DNMT3B: variants seen among roughly 807,000 people sequenced by gnomAD.
DNMT3B encodes the protein DNA (cytosine-5)-methyltransferase 3B.
A neutral mutation model predicts 120.2 loss-of-function variants in DNMT3B; 37 were observed. That is an observed-to-expected ratio of 0.31 (90% CI 0.24 to 0.40). The LOEUF (loss-of-function observed/expected upper bound fraction) is 0.40, where lower values mean the gene tolerates loss of function less well. Among genes scored for constraint, DNMT3B ranks in the 10% least tolerant of loss-of-function variants. The pLI is 1.00. For synonymous variants in DNMT3B, 412 were observed against 442.8 expected (o/e 0.93, Z 0.87); for missense variants, 878 against 1,137.3 (o/e 0.77, Z 3.28).
intron 1 of DNMT3B, among the ~76,000 whole-genome samples, chr20:32,776,340 G>C (rs370047345): frequency 6.6e-6 from 1 of 152,136 alleles, no homozygotes; most frequent in African/African-American, 2.4e-5. Flanking sequence ...GGATGATGCA[G>C]TTCTAAATCC....
At chr20:32,806,984 T>C (rs1378526405) in intron 22 of DNMT3B, among the ~76,000 whole-genome samples, 1 of 152,250 alleles carries the variant, frequency 6.6e-6, no homozygotes, top group African/African-American at 2.4e-5. Flanking sequence ...TTCTTTGACT[T>C]ACCAACAGTT....
intron 4 of DNMT3B, among the ~76,000 whole-genome samples, chr20:32,785,892 CTTTTTTTTT>C (rs1979215924): frequency 7.8e-6 from 1 of 128,586 alleles, no homozygotes. Flanking sequence ...CTTTTTTTTT[CTTTTTTTTT>C]GAGATGCAGT....
chr20:32,806,080 C>A (rs1981945599), intron 21 of DNMT3B, 129 bp from the exon 22 acceptor site: 2 of 871,372 alleles, frequency 2.3e-6, no homozygotes, highest in East Asian at 2.4e-5. Flanking sequence ...AGGTACTTTT[C>A]TCTCCCAGCC....
At chr20:32,801,020 G>T (rs1981271926) in intron 18 of DNMT3B, 95 bp downstream of exon 18, 4 of 1,470,716 alleles carry the variant, frequency 2.7e-6, no homozygotes, top group Non-Finnish European at 3.8e-6. Flanking sequence ...CTTGCTTCTG[G>T]CCAAGTTACT....
chr20:32,779,698 A>T (rs1601071687), intron 1 of DNMT3B, among the ~76,000 whole-genome samples: 2 of 151,854 alleles, frequency 1.3e-5, no homozygotes, highest in Admixed American at 1.3e-4. Context: ...TCTGAGCCCC[A>T]GCTGGTGAGG....
At chr20:32,773,934 GTTTTTT>G (rs1161730284) in intron 1 of DNMT3B, among the ~76,000 whole-genome samples, 11 of 69,152 alleles carry the variant, frequency 1.6e-4, no homozygotes, top group African/African-American at 7.3e-4. Flanking sequence ...CCCGGCAGTG[GTTTTTT>G]TTTTTTTTTT....
chr20:32,779,474 T>C (rs540457490), intron 1 of DNMT3B, among the ~76,000 whole-genome samples: 1 of 152,318 alleles, frequency 6.6e-6, no homozygotes, highest in African/African-American at 2.4e-5. Context: ...TTGCAGGCAA[T>C]GGGCCAGCCC....
chr20:32,779,757 T>TG (rs1252456847), intron 1 of DNMT3B: 2 of 246,576 alleles, frequency 8.1e-6, no homozygotes, highest in Admixed American at 7.8e-5. Context: ...CCCTGGAGGA[T>TG]GGGGTGAGGC....
intron 7 of DNMT3B, among the ~76,000 whole-genome samples, chr20:32,789,718 T>A (rs1179760727): frequency 6.6e-6 from 1 of 152,166 alleles, no homozygotes; most frequent in Non-Finnish European, 1.5e-5. Flanking sequence ...CTCAGCCTCC[T>A]GAGTGGCTGG....
In DNMT3B at chr20:32,766,003, C is replaced by T. The variant is rs566030100; in HGVS notation, c.-7+3304C>T. Among the ~76,000 whole-genome samples the T allele has an allele frequency of 3.4e-4, 51 of 152,062 alleles. No homozygotes were observed. In the South Asian group the frequency reaches 9.5e-3, roughly 28 times the overall value. ...CAATCTCCTGACCTCCTGATCCACC[C>T]GCCTTGGCCTCCCAAAGTGCTGAGA... On this transcript the variant is annotated intron_variant, in intron 1 of 22. Coordinates refer to ENST00000328111, the MANE Select transcript of DNMT3B (RefSeq NM_006892.4).
At chr20:32,798,949 C>T in intron 15 of DNMT3B, among the ~76,000 whole-genome samples, 1 of 152,196 alleles carries the variant, frequency 6.6e-6, no homozygotes, top group East Asian at 1.9e-4. Flanking sequence ...AATGAATTTT[C>T]TAGTTCTTAG....
chr20:32,773,934 G>GTT (rs1161730284), intron 1 of DNMT3B, among the ~76,000 whole-genome samples: 7,932 of 69,068 alleles, frequency 0.11, 2,137 homozygotes, highest in African/African-American at 0.24. Flanking sequence ...CCCGGCAGTG[G>GTT]TTTTTTTTTT....
At chr20:32,799,707 G>A (rs946691256) in intron 16 of DNMT3B, among the ~76,000 whole-genome samples, 1 of 152,040 alleles carries the variant, frequency 6.6e-6, no homozygotes, top group African/African-American at 2.4e-5. Context: ...TCGTAGAGAC[G>A]GGGTTTCTCC....
chr20:32,792,876 A>T, intron 9 of DNMT3B, 106 bp downstream of exon 9: 1 of 1,515,562 alleles, frequency 6.6e-7, no homozygotes, highest in African/African-American at 1.4e-5. Context: ...GCTTTCTAGC[A>T]GCTGGTCTCA....
intron 20 of DNMT3B, 24 bp from the exon 21 acceptor site, chr20:32,805,314 G>T (rs768583069): frequency 1.9e-6 from 3 of 1,614,138 alleles, no homozygotes; most frequent in Admixed American, 1.7e-5. Context: ...CTAGTAAGAA[G>T]TAATGGGTTT....
chr20:32,773,537 A>G (rs570157555), intron 1 of DNMT3B, among the ~76,000 whole-genome samples: 22 of 151,970 alleles, frequency 1.4e-4, no homozygotes, highest in Admixed American at 1.1e-3. Context: ...GGTCCTTGGT[A>G]CCAACTTCCC....
chr20:32,802,872 T>G (rs935931099), intron 20 of DNMT3B, among the ~76,000 whole-genome samples: 2 of 152,194 alleles, frequency 1.3e-5, no homozygotes, highest in Admixed American at 1.3e-4. Context: ...TCATGAGCTG[T>G]GGCCAGACTG....
rs751329990 is a variant in DNMT3B at position 32,787,219 on chromosome 20, T to C, written c.433-11T>C. 1.2e-6 allele frequency: 2 copies of C among 1,614,234 alleles called. No individual in the cohort carries two copies. The highest frequency in any genetic ancestry group is 1.7e-6 in the Non-Finnish European group (2 of 1,180,040). On this transcript the variant is annotated splice_polypyrimidine_tract_variant and intron_variant, in intron 5 of 22. Coordinates refer to ENST00000328111, the MANE Select transcript of DNMT3B (RefSeq NM_006892.4). ...TGCTCTGGCCCAAACTATGTGTCCT[T>C]CTGTCCACAGTCCCTGAGACGGCGG...
At chr20:32,775,285 ACCAAAGTGACCC>A (rs1293754293) in intron 1 of DNMT3B, among the ~76,000 whole-genome samples, 5 of 152,198 alleles carry the variant, frequency 3.3e-5, no homozygotes, top group Non-Finnish European at 7.3e-5. Context: ...TGGGGCAGAT[ACCAAAGTGACCC>A]CCCTTCCTGC....
Sources: gnomAD v4.1 joint callset for allele counts (sites outside exome capture counted in the v4.1 genomes callset) on GRCh38, gnomAD v4.1.1 for gene constraint, MANE v1.5 for transcripts, NCBI Gene and HGNC (gene_info 2026-07-23, HGNC 2026-07-21) for gene names.